The following LIN52 variants were observed in gnomAD, a reference collection of about 807,000 sequenced individuals.
The protein encoded by LIN52 is protein lin-52 homolog.
In LIN52, 4 loss-of-function variants were observed where a neutral mutation model predicts 18.5. That is an observed-to-expected ratio of 0.22 (90% CI 0.11 to 0.49). The LOEUF (loss-of-function observed/expected upper bound fraction) is 0.49. LIN52 is among the 20% of genes least tolerant of loss of function. The pLI is 0.97. For missense variants in LIN52, 102 were observed against 139.5 expected (o/e 0.73, Z 1.35); for synonymous variants, 34 against 45.5 (o/e 0.75, Z 1.02).
intron 2 of LIN52, among the ~76,000 whole-genome samples, chr14:74,093,198 C>T (rs567528038): frequency 6.2e-4 from 95 of 152,028 alleles, no homozygotes; most frequent in African/African-American, 2.2e-3. Context: ...CCGCCCACCT[C>T]GGCCTCCCAA....
chr14:74,188,024 A>G (rs1050933203), intron 5 of LIN52, among the ~76,000 whole-genome samples: 1 of 152,232 alleles, frequency 6.6e-6, no homozygotes, highest in Non-Finnish European at 1.5e-5. Context: ...AAAAGTTTCT[A>G]TTAAACAACA....
At chr14:74,166,189 C>G (rs1225624259) in intron 5 of LIN52, among the ~76,000 whole-genome samples, 1 of 151,438 alleles carries the variant, frequency 6.6e-6, no homozygotes, top group Non-Finnish European at 1.5e-5. Flanking sequence ...CTGCGCCCAG[C>G]TATTTCATCT....
At chr14:74,151,423 T>C (rs139933083) in intron 5 of LIN52, among the ~76,000 whole-genome samples, 2 of 152,292 alleles carry the variant, frequency 1.3e-5, no homozygotes, top group Non-Finnish European at 2.9e-5. Flanking sequence ...TTTAGGAAGA[T>C]TGAGATAATG....
rs2078933843 is a variant in LIN52, at chr14:74,199,482, TA to T, written c.*507del. On this transcript the variant is annotated 3_prime_UTR_variant, in exon 6 of 6. Coordinates refer to ENST00000555028, the MANE Select transcript of LIN52 (RefSeq NM_001024674.3). ...GACCTGTGAACTCTCCAGTATATAC[TA>T]AGTTCCCAGAATCCCCAGCTGAAGA... The T allele has an allele frequency of 6.6e-6, 1 of 152,490 alleles. No individual in the cohort carries two copies. Among genetic ancestry groups the T allele is most frequent in the South Asian group, 2.1e-4 (1 of 4,838 alleles). 9.4% of individuals were successfully genotyped at this position (152,490 alleles called of 1,614,324 possible).
chr14:74,088,191 A>G (rs2060748385), intron 1 of LIN52, among the ~76,000 whole-genome samples: 1 of 152,162 alleles, frequency 6.6e-6, no homozygotes, highest in Non-Finnish European at 1.5e-5. Flanking sequence ...CCTGGGTTCA[A>G]GTAATTCTCA....
At chr14:74,149,917 C>A (rs1420028151) in intron 5 of LIN52, among the ~76,000 whole-genome samples, 1 of 152,102 alleles carries the variant, frequency 6.6e-6, no homozygotes, top group Non-Finnish European at 1.5e-5. Flanking sequence ...CTGGAAAGGT[C>A]TTGTGTTACC....
chr14:74,156,280 A>G (rs565968296), intron 5 of LIN52, among the ~76,000 whole-genome samples: 1 of 152,300 alleles, frequency 6.6e-6, no homozygotes, highest in East Asian at 1.9e-4. Flanking sequence ...TGCTTTTGTT[A>G]TGTTGATGCG....
intron 5 of LIN52, among the ~76,000 whole-genome samples, chr14:74,136,210 G>A (rs578072226): frequency 1.3e-5 from 2 of 152,234 alleles, no homozygotes; most frequent in East Asian, 1.9e-4. Flanking sequence ...CAGTGAATGC[G>A]CAAGTTGAAA....
intron 5 of LIN52, among the ~76,000 whole-genome samples, chr14:74,177,869 G>C (rs1240402987): frequency 6.6e-6 from 1 of 151,900 alleles, no homozygotes; most frequent in Non-Finnish European, 1.5e-5. Flanking sequence ...CCTCCGCCAC[G>C]TGCGCTCAAG....
chr14:74,179,989 G>T (rs2061311280), intron 5 of LIN52, among the ~76,000 whole-genome samples: 1 of 152,170 alleles, frequency 6.6e-6, no homozygotes, highest in Non-Finnish European at 1.5e-5. Context: ...AGTAGATTTG[G>T]TATGGAGCCT....
intron 5 of LIN52, among the ~76,000 whole-genome samples, chr14:74,196,388 C>T (rs914608624): frequency 1.3e-5 from 2 of 152,146 alleles, no homozygotes; most frequent in African/African-American, 4.8e-5. Context: ...GTCTGAAGGT[C>T]AGCAGGCAGA....
At chr14:74,144,258 T>C (rs1668472102) in intron 5 of LIN52, among the ~76,000 whole-genome samples, 1 of 151,614 alleles carries the variant, frequency 6.6e-6, no homozygotes. Context: ...AAGTAGCTGG[T>C]GTGGGAGCCA....
At chr14:74,135,040 T>C (rs1419536322) in intron 5 of LIN52, among the ~76,000 whole-genome samples, 3 of 152,082 alleles carry the variant, frequency 2.0e-5, no homozygotes, top group African/African-American at 7.2e-5. Context: ...CCCTGAACCT[T>C]CTTTGAGGTA....
In LIN52 at chr14:74,102,289, C is replaced by T. The variant is rs370148024; in HGVS notation, c.283+1051C>T. The stretch of plus-strand genomic sequence containing the variant: ...AAATTTCTAATTTTCAACTGATAGT[C>T]GTCACTTCCTCAGACCTCTTTATCC... On this transcript the variant is annotated intron_variant, in intron 5 of 5. Transcript: ENST00000555028. Among the ~76,000 whole-genome samples the T allele has an allele frequency of 1.1e-4, 17 of 152,240 alleles. No individual in the cohort carries two copies. In the South Asian group the frequency reaches 2.5e-3, roughly 22 times the overall value.
chr14:74,200,602 C>G lies in LIN52; in HGVS notation c.*1625C>G, dbSNP rs2078942755. 1 of 151,952 alleles carries G rather than the reference C, an allele frequency of 6.6e-6. No homozygotes were observed. Among genetic ancestry groups the G allele is most frequent in the Non-Finnish European group, 1.5e-5 (1 of 68,004 alleles). The allele number at this position is 151,952 out of a possible 1,614,324, so 9.4% of individuals were successfully genotyped here. The stretch of plus-strand genomic sequence containing the variant: ...CCTTGTTCTCATGCTAGAATTAATG[C>G]TGGATTTTTCTCTCATTTGACCATC... On this transcript the variant is annotated 3_prime_UTR_variant, in exon 6 of 6. Coordinates refer to ENST00000555028, the MANE Select transcript of LIN52 (RefSeq NM_001024674.3).
chr14:74,164,146 T>A (rs1289295027), intron 5 of LIN52, among the ~76,000 whole-genome samples: 1 of 151,572 alleles, frequency 6.6e-6, no homozygotes, highest in Non-Finnish European at 1.5e-5. Flanking sequence ...CATGCCCGGC[T>A]AATTTTTTGT....
chr14:74,105,972 C>T (rs541892766), intron 5 of LIN52, among the ~76,000 whole-genome samples: 27 of 152,252 alleles, frequency 1.8e-4, no homozygotes, highest in Admixed American at 1.4e-3. Flanking sequence ...TCAGATAACC[C>T]TTTTGGTGTG....
chr14:74,130,064 T>G (rs2061051940), intron 5 of LIN52, among the ~76,000 whole-genome samples: 1 of 151,906 alleles, frequency 6.6e-6, no homozygotes, highest in Non-Finnish European at 1.5e-5. Context: ...GCAGACCCAC[T>G]TGCTATCAGG....
intron 5 of LIN52, among the ~76,000 whole-genome samples, chr14:74,101,498 G>T (rs1261782015): frequency 1.4e-5 from 2 of 144,844 alleles, no homozygotes; most frequent in Admixed American, 7.0e-5. Context: ...TCGCTCTGTC[G>T]CCCAGGCTGG....
Sources: allele counts gnomAD v4.1 joint callset (sites outside exome capture counted in the v4.1 genomes callset), GRCh38; gene constraint gnomAD v4.1.1; transcripts MANE v1.5; gene names NCBI Gene and HGNC (gene_info 2026-07-23, HGNC 2026-07-21).